The following TPCN1 variants were observed in gnomAD, a reference collection of about 807,000 sequenced individuals.
The protein encoded by TPCN1 is two pore segment channel 1.
A neutral mutation model predicts 108.8 loss-of-function variants in TPCN1; 52 were observed. That is an observed-to-expected ratio of 0.48 (90% CI 0.38 to 0.60). The LOEUF is 0.60. Among genes scored for constraint, TPCN1 ranks in the 20% least tolerant of loss-of-function variants. The pLI, the probability that TPCN1 is intolerant of heterozygous loss-of-function variation, is 0.00. For synonymous variants in TPCN1, 446 were observed against 433.7 expected, an observed-to-expected ratio of 1.03 and a Z score of -0.35; for missense variants, 806 against 1,072.8, an observed-to-expected ratio of 0.75 and a Z score of 3.47.
chr12:113,295,063 T>C (rs1956381593), intron 27 of TPCN1, among the ~76,000 whole-genome samples: 1 of 152,164 alleles, frequency 6.6e-6, no homozygotes, highest in Non-Finnish European at 1.5e-5. Flanking sequence ...ATGGAAATAA[T>C]AGAAGCGTTT....
At chr12:113,293,494 G>C in intron 27 of TPCN1, 145 bp downstream of exon 27, 1 of 822,218 alleles carries the variant, frequency 1.2e-6, no homozygotes, top group South Asian at 1.6e-5. Context: ...CTGGGGTTGT[G>C]TGGGACCTGA....
At chr12:113,260,257 G>A in intron 2 of TPCN1, 111 bp from the exon 3 acceptor site, 1 of 1,217,638 alleles carries the variant, frequency 8.2e-7, no homozygotes, top group Non-Finnish European at 1.1e-6. Context: ...GAAGATGACG[G>A]GATGTCCATG....
intron 2 of TPCN1, among the ~76,000 whole-genome samples, chr12:113,256,826 G>T (rs1446737905): frequency 1.3e-5 from 2 of 152,204 alleles, no homozygotes; most frequent in Admixed American, 6.5e-5. Context: ...GTTAGGCAAA[G>T]ATTTCTTAGA....
chr12:113,244,781 C>T (rs1005614586), intron 2 of TPCN1: 20 of 983,142 alleles, frequency 2.0e-5, no homozygotes, highest in Admixed American at 6.2e-5. Flanking sequence ...GCTGGGAGCA[C>T]GGTTGGCACT....
chr12:113,267,971 C>G lies in TPCN1; in HGVS notation c.528+15C>G. On this transcript the variant is annotated intron_variant, in intron 5 of 27. Transcript: ENST00000335509. ...CCATGGTCAAGGTGATGTGTCCGCC[C>G]ATCTGTCCCTCCCCTCACAGCCTTT... 6.4e-7 allele frequency: 1 copy of G among 1,555,414 alleles called. No homozygotes were observed. Among genetic ancestry groups the G allele is most frequent in the Non-Finnish European group, 8.8e-7 (1 of 1,130,484 alleles).
chr12:113,293,570 C>T lies in TPCN1; in HGVS notation c.2334+221C>T, dbSNP rs148348488. ...CAGAGGCAGCTCTCCAGCCTGCCTG[C>T]CGCCATATGTCCCTGCCCCTTATGA... On this transcript the variant is annotated intron_variant, in intron 27 of 27. Coordinates refer to ENST00000335509, the MANE Select transcript of TPCN1 (RefSeq NM_017901.6). Among the ~76,000 whole-genome samples the T allele has an allele frequency of 5.2e-3, 793 of 152,316 alleles. 10 individuals carry two copies. The highest frequency in any genetic ancestry group is 0.018 in the African/African-American group (754 of 41,564).
At position 113,284,512 on chromosome 12, in the gene TPCN1, C is replaced by T; in HGVS notation, c.1343-69C>T. On this transcript the variant is annotated intron_variant, in intron 15 of 27. Transcript: ENST00000335509. The surrounding 1 kb of genome is among the most constrained non-coding windows in gnomAD (Gnocchi z 4.1). ...GCTCCAGGAAGTTAACCAGGGACTT[C>T]AGCTGCGACCTGCAGATTTCTAAGC... The T allele has an allele frequency of 1.3e-6, 2 of 1,579,454 alleles. No individual in the cohort carries two copies. The highest frequency in any genetic ancestry group is 1.7e-6 in the Non-Finnish European group (2 of 1,150,434).
In TPCN1 at chr12:113,291,670, TGAC is replaced by T. The variant is rs1446298505; in HGVS notation, c.2022_2024del (p.Thr675del). On this transcript the variant is annotated inframe_deletion, in exon 24 of 28. Coordinates refer to ENST00000335509, the MANE Select transcript of TPCN1 (RefSeq NM_017901.6). ...CTCTACTTCATGACCTTTTACATTGTGACCATGGTAGGTCCCGGACCACAGAAC... is the reference window on the plus strand; with the variant it reads ...CTCTACTTCATGACCTTTTACATTGTCATGGTAGGTCCCGGACCACAGAAC... 6.2e-7 allele frequency: 1 copy of T among 1,613,892 alleles called. No individual in the cohort carries two copies.
At position 113,272,676 on chromosome 12, in the gene TPCN1, C is replaced by A. The variant is rs1449362615; in HGVS notation, c.767C>A (p.Pro256His). ...CTTCTAGGTTTCTACTTGTTCTCCC[C>A]TAACCCTTCAGACCCCGTAAGTAAT... ...FAILGFYLFS[P>H]NPSDPYFSTL... The change falls in exon 8 of 28, where the codon CCT becomes CAT. Residue 256 changes from proline (P) to histidine (H), a missense_variant. By Grantham distance (77) the Pro-to-His change is moderately conservative (BLOSUM62 -2). Coordinates refer to ENST00000335509, the MANE Select transcript of TPCN1 (RefSeq NM_017901.6). The surrounding 1 kb of genome is among the most constrained non-coding windows in gnomAD (Gnocchi z 4.1). The A allele has an allele frequency of 6.2e-7, 1 of 1,614,020 alleles. No individual in the cohort carries two copies. Among genetic ancestry groups the A allele is most frequent in the South Asian group, 1.1e-5 (1 of 91,078 alleles).
chr12:113,296,404 C>G lies in TPCN1; in HGVS notation c.*328C>G. 1 of 300,790 alleles carries G rather than the reference C, an allele frequency of 3.3e-6. No homozygotes were observed. Among genetic ancestry groups the G allele is most frequent in the Non-Finnish European group, 6.3e-6 (1 of 159,918 alleles). 18.6% of individuals were successfully genotyped at this position (300,790 alleles called of 1,614,324 possible). ...CTTGCCCCTCATGTGGGCTGGCCTC[C>G]ATCGGCCACGTCCAAAGCTGTCACT... is the stretch of plus-strand genomic sequence containing the variant. On this transcript the variant is annotated 3_prime_UTR_variant, in exon 28 of 28. Coordinates refer to ENST00000335509, the MANE Select transcript of TPCN1 (RefSeq NM_017901.6).
At chr12:113,241,839 T>C (rs1010772869) in intron 2 of TPCN1, among the ~76,000 whole-genome samples, 5 of 151,688 alleles carry the variant, frequency 3.3e-5, no homozygotes, top group African/African-American at 1.2e-4. Flanking sequence ...CCTTTACAAA[T>C]GTTTTTTAAA....
intron 14 of TPCN1, among the ~76,000 whole-genome samples, chr12:113,279,652 C>T (rs1955823162): frequency 6.6e-6 from 1 of 151,746 alleles, no homozygotes; most frequent in South Asian, 2.1e-4. Flanking sequence ...GATCCACCCA[C>T]CTCGGCCTCC....
At chr12:113,225,814 A>G (rs1026249660) in intron 1 of TPCN1, among the ~76,000 whole-genome samples, 3 of 152,002 alleles carry the variant, frequency 2.0e-5, no homozygotes, top group Non-Finnish European at 4.4e-5. Flanking sequence ...TCGGCCTCCC[A>G]AAGTGCTGGG....
chr12:113,246,689 G>A (rs1002405552), intron 2 of TPCN1, among the ~76,000 whole-genome samples: 2 of 152,208 alleles, frequency 1.3e-5, no homozygotes, highest in South Asian at 4.1e-4. Context: ...TGGTGAGGTC[G>A]TCCTGTCTTC....
chr12:113,280,340 G>A (rs1955845022), intron 15 of TPCN1, 145 bp downstream of exon 15: 3 of 602,582 alleles, frequency 5.0e-6, no homozygotes, highest in Non-Finnish European at 8.7e-6. Context: ...AAAGTGAAGA[G>A]AACATTACCA....
Position 113,273,171 on chromosome 12 carries a change from G to C in TPCN1, c.784-61G>C, listed in dbSNP as rs1404931063. 2.6e-6 allele frequency: 4 copies of C among 1,525,834 alleles called. No homozygotes were observed. Among genetic ancestry groups the C allele is most frequent in the Admixed American group, 3.3e-5 (2 of 59,864 alleles). The allele number at this position is 1,525,834 out of a possible 1,614,324, so 94.5% of individuals were successfully genotyped here. A position where few individuals can be genotyped will look rare whatever the true frequency, so the allele number is the denominator to read the frequency against. On this transcript the variant is annotated intron_variant, in intron 8 of 27. Coordinates refer to ENST00000335509, the MANE Select transcript of TPCN1 (RefSeq NM_017901.6). This position sits in a 1 kb window ranked among gnomAD's most constrained non-coding sequence, Gnocchi z 4.0. Reference sequence around the variant, plus strand: ...CATGCCAGGTGGCCCATCACAGCCTGTTCCTGATGGCCGTGTGCTCTTGGC... The same window carrying C: ...CATGCCAGGTGGCCCATCACAGCCTCTTCCTGATGGCCGTGTGCTCTTGGC...
rs756092265 is a variant in TPCN1, at chr12:113,273,688, G to C, written c.942+20G>C. On this transcript the variant is annotated intron_variant, in intron 10 of 27. Coordinates refer to ENST00000335509, the MANE Select transcript of TPCN1 (RefSeq NM_017901.6). The surrounding 1 kb of genome is among the most constrained non-coding windows in gnomAD (Gnocchi z 4.0). The stretch of plus-strand genomic sequence containing the variant: ...AACCTGGTGAGTGACTATGCCTCAG[G>C]CTACGCTGAAGCAGCCTGCCCCTAC... 1 of 1,597,808 alleles carries C rather than the reference G, an allele frequency of 6.3e-7. No homozygotes were observed. Among genetic ancestry groups the C allele is most frequent in the South Asian group, 1.1e-5 (1 of 90,806 alleles).
At chr12:113,246,093 C>A in intron 2 of TPCN1, 1 of 452,610 alleles carries the variant, frequency 2.2e-6, no homozygotes, top group Admixed American at 2.4e-5. Context: ...CTGTCCTCTG[C>A]ACCGGGATGT....
chr12:113,289,912 A>C lies in TPCN1; in HGVS notation c.1797-216A>C. 2.0e-6 allele frequency: 1 copy of C among 508,970 alleles called. No individual in the cohort carries two copies. Among genetic ancestry groups the C allele is most frequent in the Non-Finnish European group, 3.5e-6 (1 of 286,502 alleles). The allele number at this position is 508,970 out of a possible 1,614,324, so 31.5% of individuals were successfully genotyped here. A position where few individuals can be genotyped will look rare whatever the true frequency, so the allele number is the denominator to read the frequency against. On this transcript the variant is annotated intron_variant, in intron 21 of 27. Coordinates refer to ENST00000335509, the MANE Select transcript of TPCN1 (RefSeq NM_017901.6). The surrounding 1 kb of genome is among the most constrained non-coding windows in gnomAD (Gnocchi z 4.1). ...GTGACAGAGGTGGGTCAGGCTGGCCAGGGGATCCCGCCAAGCCCAGCAGGC... is the reference window on the plus strand; with the variant it reads ...GTGACAGAGGTGGGTCAGGCTGGCCCGGGGATCCCGCCAAGCCCAGCAGGC...
Sources: allele counts gnomAD v4.1 joint callset (sites outside exome capture counted in the v4.1 genomes callset), GRCh38; gene constraint gnomAD v4.1.1; non-coding constraint Gnocchi (gnomAD v3.1); transcripts MANE v1.5; gene names NCBI Gene and HGNC (gene_info 2026-07-23, HGNC 2026-07-21).